Variants in MARCHF5 observed in about 807,000 individuals in gnomAD.
The protein encoded by MARCHF5 is E3 ubiquitin-protein ligase MARCHF5.
A neutral mutation model predicts 36.5 loss-of-function variants in MARCHF5; 5 were observed. That is an observed-to-expected ratio of 0.14 (90% confidence interval 0.07 to 0.29). The LOEUF (loss-of-function observed/expected upper bound fraction) is 0.29, where lower values mean the gene tolerates loss of function less well. Ranked by LOEUF, MARCHF5 falls within the 10% of genes least tolerant of loss-of-function variation. MARCHF5 has a pLI of 1.00. For missense variants in MARCHF5, 179 were observed against 336.3 expected, an observed-to-expected ratio of 0.53 and a Z score of 3.66; for synonymous variants, 103 against 109.9, an observed-to-expected ratio of 0.94 and a Z score of 0.39.
At chr10:92,343,326 G>A (rs1483357387) in intron 3 of MARCHF5, among the ~76,000 whole-genome samples, 1 of 152,168 alleles carries the variant, frequency 6.6e-6, no homozygotes, top group Non-Finnish European at 1.5e-5. Context: ...TGCCTGCTGT[G>A]ATTCCTTCTT....
chr10:92,340,296 T>G (rs932583737), intron 2 of MARCHF5, among the ~76,000 whole-genome samples: 3 of 152,240 alleles, frequency 2.0e-5, no homozygotes, highest in African/African-American at 7.2e-5. Context: ...TACGAGAATT[T>G]ATGAAGTAAT....
chr10:92,333,665 A>AT, intron 2 of MARCHF5: 1 of 984,962 alleles, frequency 1.0e-6, no homozygotes, highest in South Asian at 4.7e-5. Flanking sequence ...AGGAAGCCTC[A>AT]TGGGACATGG....
chr10:92,300,430 T>G (rs1246532466), intron 1 of MARCHF5, among the ~76,000 whole-genome samples: 2 of 151,536 alleles, frequency 1.3e-5, no homozygotes, highest in Non-Finnish European at 2.9e-5. Context: ...GTTATGGAGG[T>G]TGCAGTGAGC....
At chr10:92,297,968 C>T (rs1362056635) in intron 1 of MARCHF5, among the ~76,000 whole-genome samples, 1 of 152,146 alleles carries the variant, frequency 6.6e-6, no homozygotes, top group Non-Finnish European at 1.5e-5. Flanking sequence ...AAGACCGAGG[C>T]AGGCCAATCA....
chr10:92,345,904 A>G (rs534080442), intron 3 of MARCHF5, among the ~76,000 whole-genome samples: 30 of 152,044 alleles, frequency 2.0e-4, no homozygotes, highest in South Asian at 6.2e-4. Context: ...CATGTTGCCC[A>G]GTCTCAAACT....
chr10:92,323,572 A>G (rs920043345), intron 2 of MARCHF5, among the ~76,000 whole-genome samples: 2 of 152,108 alleles, frequency 1.3e-5, no homozygotes, highest in Admixed American at 1.3e-4. Flanking sequence ...CCATCTGTTC[A>G]TCCCTCCCCG....
At chr10:92,301,773 T>C (rs1843015120) in intron 1 of MARCHF5, among the ~76,000 whole-genome samples, 1 of 152,040 alleles carries the variant, frequency 6.6e-6, no homozygotes, top group Non-Finnish European at 1.5e-5. Flanking sequence ...TAATACCTAA[T>C]ACAGGCCGGG....
At chr10:92,330,170 T>G (rs1477598068) in intron 2 of MARCHF5, among the ~76,000 whole-genome samples, 1 of 152,190 alleles carries the variant, frequency 6.6e-6, no homozygotes, top group Non-Finnish European at 1.5e-5. Context: ...TAGCCCTCAT[T>G]GGTTACCTTC....
At chr10:92,340,631 T>TCAAA in intron 2 of MARCHF5, 42 bp from the exon 3 acceptor site, 1 of 1,537,672 alleles carries the variant, frequency 6.5e-7, no homozygotes, top group Non-Finnish European at 8.8e-7. Flanking sequence ...TTTTAAAAGT[T>TCAAA]CACCCTGTGT....
rs193203766 is a variant in MARCHF5, at chr10:92,333,732, A to G, written c.239-6941A>G. On this transcript the variant is annotated intron_variant, in intron 2 of 5. Coordinates refer to ENST00000358935, the MANE Select transcript of MARCHF5 (RefSeq NM_017824.5). ...AAGTTAGTCTTTGCTGAGAAGTTGG[A>G]TTTTTATACAGATTTAATCAAAGTA... 1.2e-5 allele frequency: 9 copies of G among 759,938 alleles called. No homozygotes were observed. In the East Asian group the frequency reaches 1.0e-3, roughly 87 times the overall value. The allele number at this position is 759,938 out of a possible 1,614,324, so 47.1% of individuals were successfully genotyped here. A position where few individuals can be genotyped will look rare whatever the true frequency, so the allele number is the denominator to read the frequency against.
intron 2 of MARCHF5, among the ~76,000 whole-genome samples, chr10:92,318,190 G>A (rs181948699): frequency 4.1e-4 from 63 of 152,250 alleles, no homozygotes; most frequent in Middle Eastern, 6.8e-3. Context: ...ACTTTGGGAG[G>A]CTGAGGCAGG....
Position 92,311,116 on chromosome 10 carries a change from T to A in MARCHF5, c.36-19T>A. 1 of 1,605,266 alleles carries A rather than the reference T, an allele frequency of 6.2e-7. No individual in the cohort carries two copies. The highest frequency in any genetic ancestry group is 8.5e-7 in the Non-Finnish European group (1 of 1,172,254). ...GTCCTAAAGATATAAATGTCATCCT[T>A]TTCTCTTTTAATTTACAGAAGTTGC... On this transcript the variant is annotated intron_variant, in intron 1 of 5. Coordinates refer to ENST00000358935, the MANE Select transcript of MARCHF5 (RefSeq NM_017824.5).
intron 1 of MARCHF5, among the ~76,000 whole-genome samples, chr10:92,303,763 T>C (rs1456180430): frequency 6.6e-6 from 1 of 152,240 alleles, no homozygotes; most frequent in Non-Finnish European, 1.5e-5. Context: ...AAAACCATCA[T>C]AATTTTAAAA....
intron 2 of MARCHF5, among the ~76,000 whole-genome samples, chr10:92,337,780 A>G (rs1211424397): frequency 6.6e-6 from 1 of 152,010 alleles, no homozygotes; most frequent in Non-Finnish European, 1.5e-5. Flanking sequence ...TCTAGTGCAT[A>G]AGTGAGGGGA....
intron 2 of MARCHF5, among the ~76,000 whole-genome samples, chr10:92,339,056 A>T (rs1425437782): frequency 6.6e-6 from 1 of 151,424 alleles, no homozygotes; most frequent in Admixed American, 6.6e-5. Context: ...AAAAAAAAAA[A>T]ATTAAAAATT....
intron 2 of MARCHF5, chr10:92,333,436 T>C (rs1367052317): frequency 6.5e-6 from 1 of 153,302 alleles, no homozygotes; most frequent in East Asian, 1.9e-4. Flanking sequence ...AAAAGCATTT[T>C]TTAAGCACCG....
At chr10:92,340,913 T>A (rs1843570678) in intron 3 of MARCHF5, 110 bp downstream of exon 3, 1 of 1,000,030 alleles carries the variant, frequency 1.0e-6, no homozygotes, top group Non-Finnish European at 1.4e-6. Context: ...AACATTCTCA[T>A]GTTCTTTCTA....
At chr10:92,319,739 C>T (rs1451854155) in intron 2 of MARCHF5, among the ~76,000 whole-genome samples, 2 of 144,514 alleles carry the variant, frequency 1.4e-5, no homozygotes, top group African/African-American at 2.6e-5. Flanking sequence ...ACTGCAACCT[C>T]CGCCTCCCAG....
At chr10:92,294,743 C>T (rs1488827038) in intron 1 of MARCHF5, among the ~76,000 whole-genome samples, 3 of 152,086 alleles carry the variant, frequency 2.0e-5, no homozygotes, top group Non-Finnish European at 4.4e-5. Context: ...GGTTAAGTTA[C>T]GTATTTTATT....
Sources: gnomAD v4.1 joint callset for allele counts (sites outside exome capture counted in the v4.1 genomes callset) on GRCh38, gnomAD v4.1.1 for gene constraint, MANE v1.5 for transcripts, NCBI Gene and HGNC (gene_info 2026-07-23, HGNC 2026-07-21) for gene names.